The following RASGEF1B variants were observed in gnomAD, a reference collection of about 807,000 sequenced individuals.
The protein encoded by RASGEF1B is ras-GEF domain-containing family member 1B.
In RASGEF1B, 30 loss-of-function variants were observed where a neutral mutation model predicts 65.7. The ratio of observed to expected loss-of-function variants is 0.46; its 90% CI spans 0.34 to 0.62. The LOEUF (loss-of-function observed/expected upper bound fraction) is 0.62. RASGEF1B is among the 20% of genes least tolerant of loss of function. The pLI, the probability that RASGEF1B is intolerant of heterozygous loss-of-function variation, is 0.01. For synonymous variants in RASGEF1B, 175 were observed against 194.8 expected (o/e 0.90, Z 0.85); for missense variants, 495 against 580.1 (o/e 0.85, Z 1.51).
chr4:81,464,278 T>G (rs1722736844), intron 1 of RASGEF1B, among the ~76,000 whole-genome samples: 1 of 152,196 alleles, frequency 6.6e-6, no homozygotes, highest in Non-Finnish European at 1.5e-5. Context: ...CAAAAAATTT[T>G]GTTTAGGAAA....
chr4:81,441,540 A>ATTTT (rs552908407), intron 9 of RASGEF1B, among the ~76,000 whole-genome samples: 8 of 133,846 alleles, frequency 6.0e-5, no homozygotes, highest in African/African-American at 1.1e-4. Flanking sequence ...CTTGCACGCG[A>ATTTT]TTTTTTTTTT....
chr4:81,434,509 T>C (rs1721540029), intron 11 of RASGEF1B, 130 bp downstream of exon 11: 1 of 685,132 alleles, frequency 1.5e-6, no homozygotes, highest in Non-Finnish European at 2.6e-6. Context: ...TCTAACAAAA[T>C]AATATGGAAA....
At chr4:81,465,093 A>T (rs1722763709) in intron 1 of RASGEF1B, among the ~76,000 whole-genome samples, 1 of 152,042 alleles carries the variant, frequency 6.6e-6, no homozygotes. Flanking sequence ...TCAAAAAAAA[A>T]AAAAAAGAAA....
At chr4:81,463,942 T>G (rs1722727139) in intron 1 of RASGEF1B, among the ~76,000 whole-genome samples, 1 of 152,190 alleles carries the variant, frequency 6.6e-6, no homozygotes, top group Non-Finnish European at 1.5e-5. Context: ...AGGCAAGTAT[T>G]TATCCCTGGG....
intron 9 of RASGEF1B, 78 bp downstream of exon 9, chr4:81,442,219 A>C (rs1721863242): frequency 3.2e-6 from 3 of 929,376 alleles, no homozygotes; most frequent in Middle Eastern, 4.2e-4. Flanking sequence ...AGTCTGATGG[A>C]GAGGCAAGAC....
At chr4:81,443,144 C>T (rs916258080) in intron 8 of RASGEF1B, among the ~76,000 whole-genome samples, 6 of 152,198 alleles carry the variant, frequency 3.9e-5, no homozygotes, top group African/African-American at 1.4e-4. Flanking sequence ...TGATACTTTA[C>T]GTACTATAAC....
Position 81,427,572 on chromosome 4 carries a change from T to TGACA in RASGEF1B, c.*195_*196insTGTC, listed in dbSNP as rs1405160018. ...GTGAACATTTCAGTCTCACAAAATC[T>TGACA]GAGTCTATCTGTCAGCTGCAGGAAA... On this transcript the variant is annotated 3_prime_UTR_variant, in exon 14 of 14. Coordinates refer to ENST00000264400, the MANE Select transcript of RASGEF1B (RefSeq NM_152545.3). 2 of 532,320 alleles carry TGACA rather than the reference T, an allele frequency of 3.8e-6. No homozygotes were observed. The highest frequency in any genetic ancestry group is 3.9e-5 in the African/African-American group (2 of 51,140). The allele number at this position is 532,320 out of a possible 1,614,324, so 33.0% of individuals were successfully genotyped here.
chr4:81,451,129 T>C (rs974464609), intron 4 of RASGEF1B: 1 of 152,152 alleles, frequency 6.6e-6, no homozygotes, highest in African/African-American at 2.4e-5. Context: ...GTTACAAAGT[T>C]GAAGTTTCAC....
intron 1 of RASGEF1B, among the ~76,000 whole-genome samples, chr4:81,466,493 C>T (rs991395605): frequency 2.0e-5 from 3 of 152,004 alleles, no homozygotes; most frequent in Non-Finnish European, 4.4e-5. Context: ...GGCGCGGTGG[C>T]TCACGCCTGT....
intron 13 of RASGEF1B, among the ~76,000 whole-genome samples, chr4:81,430,227 G>C (rs1309222788): frequency 1.3e-5 from 2 of 152,270 alleles, no homozygotes; most frequent in East Asian, 3.9e-4. Context: ...CGTGAACCCG[G>C]GAGGCGGAGC....
At position 81,445,839 on chromosome 4, in the gene RASGEF1B, C is replaced by A; in HGVS notation, c.730-1G>T. On this transcript the variant is annotated splice_acceptor_variant, in intron 6 of 13. Coordinates refer to ENST00000264400, the MANE Select transcript of RASGEF1B (RefSeq NM_152545.3). LOFTEE classifies it high-confidence loss of function. The stretch of plus-strand genomic sequence containing the variant: ...TTTTCTTCCGTTCACTGTAGCAACT[C>A]TTTAGAGAAAACAAAGTAAACAGAT... 6.2e-7 allele frequency: 1 copy of A among 1,611,538 alleles called. No individual in the cohort carries two copies. Among genetic ancestry groups the A allele is most frequent in the Non-Finnish European group, 8.5e-7 (1 of 1,177,966 alleles).
intron 1 of RASGEF1B, among the ~76,000 whole-genome samples, chr4:81,461,696 T>C (rs1222511274): frequency 6.6e-6 from 1 of 152,194 alleles, no homozygotes; most frequent in Non-Finnish European, 1.5e-5. Context: ...AAGGAAAATA[T>C]GGAAGCTGTA....
At chr4:81,443,486 G>A (rs368178631) in intron 8 of RASGEF1B, among the ~76,000 whole-genome samples, 2 of 152,150 alleles carry the variant, frequency 1.3e-5, no homozygotes, top group East Asian at 1.9e-4. Flanking sequence ...TAAAACCAGA[G>A]ATTCGTTTTG....
At chr4:81,462,579 T>A (rs1002534423) in intron 1 of RASGEF1B, among the ~76,000 whole-genome samples, 1 of 152,220 alleles carries the variant, frequency 6.6e-6, no homozygotes, top group Non-Finnish European at 1.5e-5. Flanking sequence ...ACTACTGAGA[T>A]TCAAGTCACT....
chr4:81,441,590 G>A lies in RASGEF1B; in HGVS notation c.1009-661C>T, dbSNP rs548775444. Reference sequence around the variant, plus strand: ...AGGGTCTCACTTTGCCACCCAGGCTGTAGTGCAGTGGTGTGATCTTGGCTC... The same window carrying A: ...AGGGTCTCACTTTGCCACCCAGGCTATAGTGCAGTGGTGTGATCTTGGCTC... On this transcript the variant is annotated intron_variant, in intron 9 of 13. Coordinates refer to ENST00000264400, the MANE Select transcript of RASGEF1B (RefSeq NM_152545.3). 2.7e-5 allele frequency among the ~76,000 whole-genome samples: 4 copies of A among 146,604 alleles called. 1 individual carries two copies. The South Asian group carries it at 8.6e-4, about 32-fold the overall frequency.
intron 3 of RASGEF1B, 128 bp downstream of exon 3, chr4:81,457,371 G>C: frequency 4.9e-6 from 4 of 818,500 alleles, no homozygotes; most frequent in Non-Finnish European, 7.8e-6. Context: ...AATTCCCCTT[G>C]TATAGCCATG....
intron 10 of RASGEF1B, among the ~76,000 whole-genome samples, chr4:81,438,759 T>C (rs1721733989): frequency 6.6e-6 from 1 of 151,338 alleles, no homozygotes; most frequent in African/African-American, 2.4e-5. Flanking sequence ...TTATGTGTTG[T>C]CCCCTCCCTG....
intron 13 of RASGEF1B, among the ~76,000 whole-genome samples, chr4:81,428,985 C>G (rs888421136): frequency 6.6e-6 from 1 of 152,224 alleles, no homozygotes; most frequent in African/African-American, 2.4e-5. Flanking sequence ...CTGCGATAAC[C>G]CAGTACCATT....
In RASGEF1B at chr4:81,457,619, T is replaced by C; in HGVS notation, c.180A>G (p.Arg60=). 1 of 1,613,506 alleles carries C rather than the reference T, an allele frequency of 6.2e-7. No homozygotes were observed. Among genetic ancestry groups the C allele is most frequent in the Non-Finnish European group, 8.5e-7 (1 of 1,179,850 alleles). ...LVPNVDYYPD[R]TYIFTFLLSS... ...TGAGTAGGAAGGTAAATATGTATGT[T>C]CTCTGCAGCAACAGAAAAAAGTCAT... Residue 60 remains arginine, a splice_region_variant and synonymous_variant, in exon 3 of 14, where the codon AGA becomes AGG. Coordinates refer to ENST00000264400, the MANE Select transcript of RASGEF1B (RefSeq NM_152545.3).
Sources: gnomAD v4.1 joint callset for allele counts (sites outside exome capture counted in the v4.1 genomes callset) on GRCh38, gnomAD v4.1.1 for gene constraint, MANE v1.5 for transcripts, NCBI Gene and HGNC (gene_info 2026-07-23, HGNC 2026-07-21) for gene names.